Variants in NDFIP2 observed in about 807,000 individuals in gnomAD.
NDFIP2 encodes Nedd4 family interacting protein 2, also known as NEDD4 family-interacting protein 2.
Under a neutral mutation model 36.0 loss-of-function variants are expected in NDFIP2, and 19 were observed. The ratio of observed to expected loss-of-function variants is 0.53; its 90% CI spans 0.37 to 0.77. NDFIP2 has a LOEUF of 0.77. Among genes scored for constraint, NDFIP2 ranks in the 30% least tolerant of loss-of-function variants. The pLI is 0.00. For missense variants in NDFIP2, 446 were observed against 435.8 expected, an observed-to-expected ratio of 1.02 and a Z score of -0.21; for synonymous variants, 181 against 167.7, an observed-to-expected ratio of 1.08 and a Z score of -0.61.
At chr13:79,514,677 T>G (rs189059531) in intron 1 of NDFIP2, among the ~76,000 whole-genome samples, 1 of 152,178 alleles carries the variant, frequency 6.6e-6, no homozygotes, top group African/African-American at 2.4e-5. Flanking sequence ...CAGATTCCTT[T>G]TTTGTATGTG....
chr13:79,527,946 G>A (rs1359622558), intron 2 of NDFIP2, among the ~76,000 whole-genome samples: 3 of 152,086 alleles, frequency 2.0e-5, no homozygotes, highest in Non-Finnish European at 2.9e-5. Flanking sequence ...CTAAGCTAGT[G>A]TGCGTGTTTG....
intron 1 of NDFIP2, among the ~76,000 whole-genome samples, chr13:79,509,694 G>GAGAGAT (rs1874007063): frequency 6.6e-6 from 1 of 151,066 alleles, no homozygotes; most frequent in Non-Finnish European, 1.5e-5. Context: ...TATATATAGA[G>GAGAGAT]AGAGAGAGAG....
At chr13:79,509,608 C>T (rs1247199247) in intron 1 of NDFIP2, among the ~76,000 whole-genome samples, 2 of 151,470 alleles carry the variant, frequency 1.3e-5, no homozygotes, top group East Asian at 1.9e-4. Context: ...TTTGGAAGGC[C>T]CTTGGCCAAG....
rs1174234211 is a variant in NDFIP2, at chr13:79,554,770, T to C, written c.*2257T>C. 1.3e-5 allele frequency: 2 copies of C among 151,950 alleles called. No homozygotes were observed. Among genetic ancestry groups the C allele is most frequent in the Non-Finnish European group, 2.9e-5 (2 of 67,834 alleles). 9.4% of individuals were successfully genotyped at this position (151,950 alleles called of 1,614,324 possible). A position where few individuals can be genotyped will look rare whatever the true frequency, so the allele number is the denominator to read the frequency against. ...TCATCTTTGCACTCTGCCTTAAAGA[T>C]TGAAAAATCAAAACTCTTGTTAGGG... On this transcript the variant is annotated 3_prime_UTR_variant, in exon 8 of 8. Transcript: ENST00000218652.
chr13:79,537,681 A>G (rs1875295644), intron 3 of NDFIP2, among the ~76,000 whole-genome samples: 1 of 152,214 alleles, frequency 6.6e-6, no homozygotes, highest in South Asian at 2.1e-4. Context: ...GGATAGCAGT[A>G]TGCTTAGTGA....
chr13:79,482,944 A>G (rs556074441), intron 1 of NDFIP2, among the ~76,000 whole-genome samples: 1 of 152,336 alleles, frequency 6.6e-6, no homozygotes, highest in African/African-American at 2.4e-5. Context: ...TAGCAAAAAT[A>G]AAATGATATA....
chr13:79,520,901 C>T lies in NDFIP2; in HGVS notation c.413C>T (p.Ser138Leu), dbSNP rs1179653841. ...PAPQIVQAAS[S>L]APALETDSSP... ...CCGCAGATTGTGCAGGCTGCGTCTT[C>T]AGCACCAGCACTTGAAACTGACTCT... The change falls in exon 2 of 8, where the codon TCA (serine) becomes TTA (leucine). Residue 138 changes from serine to leucine, a missense_variant. Ser to Leu is a moderately radical substitution (Grantham distance 145, BLOSUM62 -2). Transcript: ENST00000218652. 1.9e-6 allele frequency: 3 copies of T among 1,613,758 alleles called. No homozygotes were observed. Among genetic ancestry groups the T allele is most frequent in the Admixed American group, 1.7e-5 (1 of 59,984 alleles).
At chr13:79,545,153 A>C (rs1348497116) in intron 5 of NDFIP2, among the ~76,000 whole-genome samples, 5 of 152,172 alleles carry the variant, frequency 3.3e-5, no homozygotes, top group Admixed American at 3.3e-4. Flanking sequence ...TATTATTCAA[A>C]TGGGATTTCT....
chr13:79,489,945 C>G (rs1873161876), intron 1 of NDFIP2, among the ~76,000 whole-genome samples: 1 of 152,130 alleles, frequency 6.6e-6, no homozygotes, highest in African/African-American at 2.4e-5. Flanking sequence ...GGGCCCTGGC[C>G]TGTGATGAGG....
At chr13:79,497,793 GGGGTGTGT>G (rs1440971626) in intron 1 of NDFIP2, among the ~76,000 whole-genome samples, 1 of 92,864 alleles carries the variant, frequency 1.1e-5, no homozygotes, top group Non-Finnish European at 2.4e-5. Context: ...TTATCTGTGG[GGGGTGTGT>G]GTGTGTGTGT....
chr13:79,505,491 G>A (rs894748886), intron 1 of NDFIP2, among the ~76,000 whole-genome samples: 60 of 152,044 alleles, frequency 3.9e-4, no homozygotes, highest in African/African-American at 1.4e-3. Context: ...AAATTGACCA[G>A]ATATGATGGT....
In NDFIP2 at chr13:79,553,228, T is replaced by C. The variant is rs2137122911; in HGVS notation, c.*715T>C. The C allele has an allele frequency of 6.6e-6, 1 of 151,188 alleles. No individual in the cohort carries two copies. Among genetic ancestry groups the C allele is most frequent in the East Asian group, 1.9e-4 (1 of 5,130 alleles). 9.4% of individuals were successfully genotyped at this position (151,188 alleles called of 1,614,324 possible). On this transcript the variant is annotated 3_prime_UTR_variant, in exon 8 of 8. Transcript: ENST00000218652. Reference sequence around the variant, plus strand: ...TATATACACACACACATATATATATTTAGAAACGTGAGTGTTAAAGATAGA... The same window carrying C: ...TATATACACACACACATATATATATCTAGAAACGTGAGTGTTAAAGATAGA...
At chr13:79,489,667 C>T (rs1252997584) in intron 1 of NDFIP2, among the ~76,000 whole-genome samples, 1 of 152,090 alleles carries the variant, frequency 6.6e-6, no homozygotes, top group African/African-American at 2.4e-5. Context: ...ATGTGAAGAT[C>T]TAGTTCTAGT....
rs1052323674 is a variant in NDFIP2 at position 79,555,573 on chromosome 13, G to T, written c.*3060G>T. 3 of 151,902 alleles carry T rather than the reference G, an allele frequency of 2.0e-5. No homozygotes were observed. The highest frequency in any genetic ancestry group is 7.3e-5 in the African/African-American group (3 of 41,366). The allele number at this position is 151,902 out of a possible 1,614,324, so 9.4% of individuals were successfully genotyped here. A position where few individuals can be genotyped will look rare whatever the true frequency, so the allele number is the denominator to read the frequency against. Reference sequence around the variant, plus strand: ...CCATTTGGCCTGTAGAAGAGGAATAGTATTTTTTTTAATAGTTGTATTTGA... The same window carrying T: ...CCATTTGGCCTGTAGAAGAGGAATATTATTTTTTTTAATAGTTGTATTTGA... On this transcript the variant is annotated 3_prime_UTR_variant, in exon 8 of 8. Coordinates refer to ENST00000218652, the MANE Select transcript of NDFIP2 (RefSeq NM_019080.3).
chr13:79,482,537 A>T (rs950948377), intron 1 of NDFIP2, among the ~76,000 whole-genome samples: 1 of 151,986 alleles, frequency 6.6e-6, no homozygotes, highest in Non-Finnish European at 1.5e-5. Flanking sequence ...AATACATAGC[A>T]CTGGTGATGC....
At chr13:79,517,937 G>A (rs1874416168) in intron 1 of NDFIP2, among the ~76,000 whole-genome samples, 1 of 152,132 alleles carries the variant, frequency 6.6e-6, no homozygotes, top group South Asian at 2.1e-4. Context: ...ATCTGCATTT[G>A]CAGCTTTAAT....
intron 2 of NDFIP2, among the ~76,000 whole-genome samples, chr13:79,531,027 A>G (rs1874994542): frequency 6.6e-6 from 1 of 152,228 alleles, no homozygotes; most frequent in Non-Finnish European, 1.5e-5. Flanking sequence ...GTCTTATGAA[A>G]TATAGCTCTA....
At chr13:79,537,921 T>G (rs146114333) in intron 3 of NDFIP2, among the ~76,000 whole-genome samples, 314 of 152,338 alleles carry the variant, frequency 2.1e-3, no homozygotes, top group African/African-American at 7.1e-3. Flanking sequence ...TTTAATTGAC[T>G]TACAGTTCTG....
Position 79,481,415 on chromosome 13 carries a change from CG to C in NDFIP2, c.217del (p.Val73TrpfsTer48), listed in dbSNP as rs1466147736. 3 of 1,557,558 alleles carry C rather than the reference CG, an allele frequency of 1.9e-6. No individual in the cohort carries two copies. Among genetic ancestry groups the C allele is most frequent in the East Asian group, 2.4e-5 (1 of 41,934 alleles). On this transcript the variant is annotated frameshift_variant, in exon 1 of 8. Coordinates refer to ENST00000218652, the MANE Select transcript of NDFIP2 (RefSeq NM_019080.3). LOFTEE classifies it high-confidence loss of function. ...GGCCCTGCGGCGACGACGTCGTCGACGGGGGTGGCCGTGGGAGCTGAGCACG... is the reference window on the plus strand; with the variant it reads ...GGCCCTGCGGCGACGACGTCGTCGACGGGGTGGCCGTGGGAGCTGAGCACG... The part of the protein sequence containing the change: ...GRGPAATTSS[T>X]GVAVGAEHGE...
Sources: gnomAD v4.1 joint callset for allele counts (sites outside exome capture counted in the v4.1 genomes callset) on GRCh38, gnomAD v4.1.1 for gene constraint, MANE v1.5 for transcripts, NCBI Gene and HGNC (gene_info 2026-07-23, HGNC 2026-07-21) for gene names.